The following MKLN1 variants were observed in gnomAD, a reference collection of about 807,000 sequenced individuals.
The protein encoded by MKLN1 is muskelin.
MKLN1 carries 18 observed loss-of-function variants against 99.0 expected under a neutral mutation model. That is an observed-to-expected ratio of 0.18 (90% CI 0.13 to 0.27). MKLN1 has a LOEUF of 0.27. MKLN1 is among the 10% of genes least tolerant of loss of function. The pLI is 1.00. For missense variants in MKLN1, 621 were observed against 875.9 expected, an observed-to-expected ratio of 0.71 and a Z score of 3.67; for synonymous variants, 288 against 293.2, an observed-to-expected ratio of 0.98 and a Z score of 0.18.
intron 3 of MKLN1, among the ~76,000 whole-genome samples, chr7:131,313,377 T>C (rs1798604672): frequency 6.6e-6 from 1 of 152,032 alleles, no homozygotes; most frequent in Admixed American, 6.6e-5. Context: ...TTTAGCCACA[T>C]TGAAACTGCT....
At chr7:131,338,497 T>C (rs1348623653) in intron 1 of MKLN1, among the ~76,000 whole-genome samples, 2 of 152,250 alleles carry the variant, frequency 1.3e-5, no homozygotes, top group Non-Finnish European at 2.9e-5. Flanking sequence ...CCACCTCAAG[T>C]CTTAGCTACC....
chr7:131,220,006 G>C (rs1184918541), intron 3 of MKLN1, among the ~76,000 whole-genome samples: 1 of 152,054 alleles, frequency 6.6e-6, no homozygotes, highest in Non-Finnish European at 1.5e-5. Flanking sequence ...GAATCCTCAA[G>C]GTCTCTCTGA....
chr7:131,341,982 C>T (rs1267568886), intron 1 of MKLN1, among the ~76,000 whole-genome samples: 1 of 152,186 alleles, frequency 6.6e-6, no homozygotes, highest in Non-Finnish European at 1.5e-5. Context: ...AGTTGATAGA[C>T]ATTTGGATTA....
chr7:131,116,799 C>T (rs911687899), intron 1 of MKLN1, among the ~76,000 whole-genome samples: 3 of 152,026 alleles, frequency 2.0e-5, no homozygotes, highest in Non-Finnish European at 4.4e-5. Context: ...TGCATCACAA[C>T]TGCAGTGACA....
intron 3 of MKLN1, among the ~76,000 whole-genome samples, chr7:131,234,040 C>T (rs1234898189): frequency 6.6e-6 from 1 of 152,132 alleles, no homozygotes; most frequent in Non-Finnish European, 1.5e-5. Context: ...AGTGCAAAGG[C>T]ATGATCTTGG....
chr7:131,274,127 G>T (rs1797926938), intron 3 of MKLN1, among the ~76,000 whole-genome samples: 1 of 152,144 alleles, frequency 6.6e-6, no homozygotes, highest in Non-Finnish European at 1.5e-5. Context: ...GTAGGAATGG[G>T]TATTATTAAG....
intron 1 of MKLN1, among the ~76,000 whole-genome samples, chr7:131,360,056 C>G (rs912079064): frequency 2.0e-5 from 3 of 152,044 alleles, no homozygotes; most frequent in Non-Finnish European, 4.4e-5. Flanking sequence ...GCCAATGGCT[C>G]TCTTTTTTGC....
chr7:131,487,978 TA>T lies in MKLN1; in HGVS notation c.*251del. 2 of 173,194 alleles carry T rather than the reference TA, an allele frequency of 1.2e-5. No individual in the cohort carries two copies. The highest frequency in any genetic ancestry group is 2.4e-5 in the Non-Finnish European group (2 of 83,386). The allele number at this position is 173,194 out of a possible 1,614,324, so 10.7% of individuals were successfully genotyped here. A position where few individuals can be genotyped will look rare whatever the true frequency, so the allele number is the denominator to read the frequency against. On this transcript the variant is annotated 3_prime_UTR_variant, in exon 18 of 18. Transcript: ENST00000352689. This position sits in a 1 kb window ranked among gnomAD's most constrained non-coding sequence, Gnocchi z 4.7. Reference sequence around the variant, plus strand: ...CTTTCCAGTTAAATATATATATATATATATTTTTTCTTACTTTATCTTTTAA... The same window carrying T: ...CTTTCCAGTTAAATATATATATATATTATTTTTTCTTACTTTATCTTTTAA...
At chr7:131,196,016 T>C (rs542878510) in intron 2 of MKLN1, among the ~76,000 whole-genome samples, 1 of 152,348 alleles carries the variant, frequency 6.6e-6, no homozygotes, top group South Asian at 2.1e-4. Context: ...TTTTTGTGTA[T>C]ATTTTTATAT....
At chr7:131,213,168 A>G (rs1796932217) in intron 3 of MKLN1, among the ~76,000 whole-genome samples, 1 of 152,078 alleles carries the variant, frequency 6.6e-6, no homozygotes, top group African/African-American at 2.4e-5. Flanking sequence ...TAAACAATAC[A>G]AAGTATTGTT....
chr7:131,147,391 A>G (rs1015118179), intron 2 of MKLN1, among the ~76,000 whole-genome samples: 1 of 151,996 alleles, frequency 6.6e-6, no homozygotes, highest in Non-Finnish European at 1.5e-5. Context: ...TTCCACATGT[A>G]TGTTACTTGA....
chr7:131,365,809 G>GTT (rs559012381), intron 1 of MKLN1, among the ~76,000 whole-genome samples: 1 of 150,566 alleles, frequency 6.6e-6, no homozygotes, highest in Non-Finnish European at 1.5e-5. Context: ...TTTTATGTGT[G>GTT]TTTTTTTTTA....
intron 3 of MKLN1, chr7:131,310,048 A>C (rs1274225026): frequency 6.6e-6 from 1 of 152,224 alleles, no homozygotes; most frequent in Non-Finnish European, 1.5e-5. Context: ...TTAAAAGGAA[A>C]GAAGAGGCAG....
intron 2 of MKLN1, among the ~76,000 whole-genome samples, chr7:131,184,088 A>G (rs326230): frequency 0.6 from 90,827 of 151,592 alleles, 27,404 homozygotes; most frequent in Middle Eastern, 0.68. Context: ...CAGAGAGACC[A>G]TAGACTTCAA....
chr7:131,119,888 T>A (rs1049105677), intron 1 of MKLN1, among the ~76,000 whole-genome samples: 1 of 152,176 alleles, frequency 6.6e-6, no homozygotes, highest in Non-Finnish European at 1.5e-5. Context: ...CCTCAGAAAA[T>A]GGGGCTTTCT....
At chr7:131,176,002 T>C (rs1796293645) in intron 2 of MKLN1, among the ~76,000 whole-genome samples, 1 of 152,232 alleles carries the variant, frequency 6.6e-6, no homozygotes, top group Non-Finnish European at 1.5e-5. Flanking sequence ...TTGATTATTT[T>C]ATCCCTGGTT....
chr7:131,465,828 C>T (rs543129271), intron 14 of MKLN1, among the ~76,000 whole-genome samples: 9 of 152,210 alleles, frequency 5.9e-5, no homozygotes, highest in Middle Eastern at 3.4e-3. Flanking sequence ...CGTGAGCCAC[C>T]GCGCCTGGCC....
At chr7:131,183,909 T>C (rs326229) in intron 2 of MKLN1, among the ~76,000 whole-genome samples, 23,218 of 151,904 alleles carry the variant, frequency 0.15, 2,296 homozygotes, top group African/African-American at 0.28. Flanking sequence ...GAACCAGTCC[T>C]GGCCCTGGTA....
rs562237079 is a variant in MKLN1, at chr7:131,272,052, T to C, written c.-179+69078T>C. On this transcript the variant is annotated intron_variant, in intron 3 of 7. Transcript: ENST00000416992. ...GTTAGTGGAATGTGAGCAGAAGTGATGTTGGTCATTGCTGGGACAGACAAA... is the reference window on the plus strand; with the variant it reads ...GTTAGTGGAATGTGAGCAGAAGTGACGTTGGTCATTGCTGGGACAGACAAA... Among the ~76,000 whole-genome samples the C allele has an allele frequency of 9.2e-5, 14 of 152,222 alleles. No homozygotes were observed. The East Asian group carries it at 2.7e-3, about 29-fold the overall frequency.
Sources: gnomAD v4.1 joint callset for allele counts (sites outside exome capture counted in the v4.1 genomes callset) on GRCh38, gnomAD v4.1.1 for gene constraint, Gnocchi (gnomAD v3.1) non-coding constraint, MANE v1.5 for transcripts, NCBI Gene and HGNC (gene_info 2026-07-23, HGNC 2026-07-21) for gene names.